Variants in C1orf94 observed in about 807,000 individuals in gnomAD.
The protein encoded by C1orf94 is chromosome 1 open reading frame 94, also known as uncharacterized protein C1orf94.
A neutral mutation model predicts 53.6 loss-of-function variants in C1orf94; 45 were observed. That is an observed-to-expected ratio of 0.84 (90% CI 0.66 to 1.08). The LOEUF is 1.08. Among genes scored for constraint, C1orf94 ranks in the 50% least tolerant of loss-of-function variants. C1orf94 has a pLI of 0.00. For missense variants in C1orf94, 762 were observed against 738.9 expected, an observed-to-expected ratio of 1.03 and a Z score of -0.36; for synonymous variants, 304 against 296.1, an observed-to-expected ratio of 1.03 and a Z score of -0.27.
chr1:34,207,027 G>C (rs1356620840), intron 4 of C1orf94, among the ~76,000 whole-genome samples: 1 of 152,170 alleles, frequency 6.6e-6, no homozygotes, highest in East Asian at 1.9e-4. Context: ...AAAGTCCACA[G>C]GCCATGAGGG....
At chr1:34,176,043 C>A (rs1039745355), upstream of C1orf94, among the ~76,000 whole-genome samples, 4 of 152,130 alleles carry the variant, frequency 2.6e-5, no homozygotes, top group Admixed American at 6.5e-5. Context: ...AGTATACAGG[C>A]TCCAGGAGAG....
intron 6 of C1orf94, among the ~76,000 whole-genome samples, chr1:34,213,911 C>T (rs947920527): frequency 2.0e-5 from 3 of 151,994 alleles, no homozygotes; most frequent in African/African-American, 7.2e-5. Context: ...CCCTCTTTTC[C>T]TCTCTCCCTC....
At chr1:34,202,359 TC>T in intron 4 of C1orf94, 100 bp downstream of exon 4, 2 of 1,282,930 alleles carry the variant, frequency 1.6e-6, no homozygotes, top group Non-Finnish European at 1.1e-6. Context: ...GTCTTTAGAC[TC>T]CTCTGAATCC....
rs374496926 is a variant in C1orf94 at position 34,212,458 on chromosome 1, C to T, written c.1721+52C>T. ...AGGGTATCCAGAAAGCTGGTGGGAA[C>T]GGGGGCAAGTTGGGTGGGCTTACCA... On this transcript the variant is annotated intron_variant, in intron 6 of 6. Transcript: ENST00000488417. 4.7e-5 allele frequency: 73 copies of T among 1,543,750 alleles called. No individual in the cohort carries two copies. The African/African-American group carries it at 5.0e-4, about 11-fold the overall frequency.
chr1:34,183,588 C>T (rs1338388996), intron 1 of C1orf94, among the ~76,000 whole-genome samples: 1 of 152,168 alleles, frequency 6.6e-6, no homozygotes, highest in East Asian at 1.9e-4. Context: ...GGTGCGGTGG[C>T]TTATGCCTAT....
At chr1:34,185,731 C>A (rs1299470449) in intron 1 of C1orf94, among the ~76,000 whole-genome samples, 1 of 152,206 alleles carries the variant, frequency 6.6e-6, no homozygotes, top group African/African-American at 2.4e-5. Context: ...TCCAGGATGC[C>A]CTCCACCCTT....
intron 1 of C1orf94, among the ~76,000 whole-genome samples, chr1:34,190,858 A>C (rs766756555): frequency 6.6e-6 from 1 of 152,208 alleles, no homozygotes; most frequent in African/African-American, 2.4e-5. Flanking sequence ...ACCACCCCAA[A>C]GCTTAGTGGC....
intron 1 of C1orf94, among the ~76,000 whole-genome samples, chr1:34,192,457 C>G (rs949940522): frequency 6.6e-6 from 1 of 152,156 alleles, no homozygotes; most frequent in Admixed American, 6.5e-5. Context: ...CAGGTTGCAA[C>G]CAGCTCTTAG....
chr1:34,183,834 T>C (rs1642345922), intron 1 of C1orf94, among the ~76,000 whole-genome samples: 1 of 146,222 alleles, frequency 6.8e-6, no homozygotes, highest in Non-Finnish European at 1.5e-5. Context: ...CCAGTCTGGG[T>C]AACAAGAGCA....
chr1:34,201,991 CTG>C, intron 3 of C1orf94, 91 bp from the exon 4 acceptor site: 3 of 1,313,216 alleles, frequency 2.3e-6, no homozygotes, highest in Admixed American at 1.9e-5. Context: ...ACCTGTGAGA[CTG>C]TGAATCCCTA....
intron 1 of C1orf94, among the ~76,000 whole-genome samples, chr1:34,193,894 A>G (rs75221730): frequency 2.6e-5 from 4 of 152,296 alleles, no homozygotes; most frequent in East Asian, 3.9e-4. Context: ...TATGTTCTTG[A>G]CACACCAATG....
intron 1 of C1orf94, among the ~76,000 whole-genome samples, chr1:34,195,919 G>A (rs1366515446): frequency 2.0e-5 from 3 of 152,120 alleles, no homozygotes; most frequent in Non-Finnish European, 2.9e-5. Flanking sequence ...GCCAGAGCTG[G>A]AACCTGTGCT....
chr1:34,208,321 C>A, intron 5 of C1orf94, 87 bp downstream of exon 5: 1 of 1,348,920 alleles, frequency 7.4e-7, no homozygotes. Flanking sequence ...CCTTTTCCAG[C>A]TGGTGACCAG....
chr1:34,218,167 T>A (rs1643020690), intron 6 of C1orf94, among the ~76,000 whole-genome samples: 1 of 152,158 alleles, frequency 6.6e-6, no homozygotes, highest in African/African-American at 2.4e-5. Flanking sequence ...GTCTCAATGC[T>A]TATTTCTGAG....
Position 34,180,448 on chromosome 1 carries a change from C to A in C1orf94, c.320+2339C>A, listed in dbSNP as rs150732384. Among the ~76,000 whole-genome samples, 86 of 152,336 alleles carry A rather than the reference C, an allele frequency of 5.6e-4. 1 individual carries two copies. The East Asian group carries it at 0.014, about 25-fold the overall frequency. On this transcript the variant is annotated intron_variant, in intron 1 of 6. Transcript: ENST00000488417. ...TGTGCCATTCTGGTTTCAATTGCTA[C>A]CTCCACCCCTCCATTTATAAGTGAA...
At chr1:34,212,810 C>A (rs1642919057) in intron 6 of C1orf94, among the ~76,000 whole-genome samples, 3 of 152,140 alleles carry the variant, frequency 2.0e-5, no homozygotes, top group Admixed American at 6.5e-5. Flanking sequence ...GATCTCCTTG[C>A]AAGGCTAATC....
intron 3 of C1orf94, 40 bp from the exon 4 acceptor site, chr1:34,202,044 C>T: frequency 1.9e-5 from 31 of 1,600,156 alleles, no homozygotes; most frequent in Non-Finnish European, 2.6e-5. Context: ...CTCTCCCTGC[C>T]TCCATCACTG....
At chr1:34,202,321 G>T in intron 4 of C1orf94, 62 bp downstream of exon 4, 1 of 1,554,370 alleles carries the variant, frequency 6.4e-7, no homozygotes, top group Non-Finnish European at 8.8e-7. Flanking sequence ...CAGAGAAGGA[G>T]TGGCTGGCAG....
chr1:34,193,896 A>T (rs1642538322), intron 1 of C1orf94, among the ~76,000 whole-genome samples: 1 of 152,198 alleles, frequency 6.6e-6, no homozygotes, highest in African/African-American at 2.4e-5. Flanking sequence ...TGTTCTTGAC[A>T]CACCAATGCC....
Sources: gnomAD v4.1 joint callset for allele counts (sites outside exome capture counted in the v4.1 genomes callset) on GRCh38, gnomAD v4.1.1 for gene constraint, MANE v1.5 for transcripts, NCBI Gene and HGNC (gene_info 2026-07-23, HGNC 2026-07-21) for gene names.